FSTL5: variants seen among roughly 807,000 people sequenced by gnomAD.
FSTL5 encodes follistatin like 5.
In FSTL5, 62 loss-of-function variants were observed where a neutral mutation model predicts 89.1. The observed-to-expected ratio is 0.70, with a 90% CI of 0.57 to 0.86. The LOEUF is 0.86. Ranked by LOEUF, FSTL5 falls within the 40% of genes least tolerant of loss-of-function variation. The pLI is 0.00. For missense variants in FSTL5, 1,057 were observed against 1,001.6 expected, an observed-to-expected ratio of 1.06 and a Z score of -0.75; for synonymous variants, 383 against 346.2, an observed-to-expected ratio of 1.11 and a Z score of -1.18.
intron 4 of FSTL5, among the ~76,000 whole-genome samples, chr4:161,866,014 T>G (rs905102287): frequency 6.6e-6 from 1 of 152,202 alleles, no homozygotes; most frequent in African/African-American, 2.4e-5. Context: ...TGAATACTTT[T>G]AAGTATTCTA....
At chr4:161,866,956 A>G (rs1293060838) in intron 4 of FSTL5, among the ~76,000 whole-genome samples, 2 of 152,030 alleles carry the variant, frequency 1.3e-5, no homozygotes, top group Admixed American at 1.3e-4. Flanking sequence ...ACAAGAGAAA[A>G]GCAGGAAAGA....
At chr4:161,450,516 A>C (rs1203205143) in intron 15 of FSTL5, among the ~76,000 whole-genome samples, 1 of 152,208 alleles carries the variant, frequency 6.6e-6, no homozygotes, top group African/African-American at 2.4e-5. Flanking sequence ...GTAGAATTAC[A>C]ATATTATTCA....
intron 3 of FSTL5, among the ~76,000 whole-genome samples, chr4:161,963,437 C>A (rs1735236804): frequency 6.6e-6 from 1 of 151,878 alleles, no homozygotes; most frequent in Non-Finnish European, 1.5e-5. Flanking sequence ...ATGGTTGCTG[C>A]AACTGAAATA....
intron 3 of FSTL5, among the ~76,000 whole-genome samples, chr4:161,938,751 G>T (rs893170651): frequency 6.6e-6 from 1 of 151,906 alleles, no homozygotes; most frequent in Admixed American, 6.6e-5. Context: ...CTTTGTCAGA[G>T]CACTTGGTTA....
At chr4:161,711,735 TACAA>T (rs1226479211) in intron 6 of FSTL5, among the ~76,000 whole-genome samples, 3 of 152,076 alleles carry the variant, frequency 2.0e-5, no homozygotes, top group Admixed American at 6.5e-5. Flanking sequence ...CTCAACAAAA[TACAA>T]ACAAACAAAT....
intron 1 of FSTL5, among the ~76,000 whole-genome samples, chr4:162,129,577 C>A (rs896431915): frequency 2.6e-5 from 4 of 152,138 alleles, no homozygotes; most frequent in African/African-American, 9.7e-5. Context: ...GGGACTTAAG[C>A]CTTGCTGTGT....
chr4:161,748,026 T>A (rs1053656494), intron 6 of FSTL5, among the ~76,000 whole-genome samples: 8 of 152,096 alleles, frequency 5.3e-5, no homozygotes, highest in African/African-American at 1.9e-4. Context: ...GAATGTATAA[T>A]ATAATATCCT....
chr4:161,839,204 A>T (rs960892754), intron 4 of FSTL5, among the ~76,000 whole-genome samples: 1 of 152,118 alleles, frequency 6.6e-6, no homozygotes, highest in East Asian at 1.9e-4. Context: ...CATCAAAAAA[A>T]TAGACAAAAT....
chr4:161,946,789 CAGTT>C (rs1560930446), intron 3 of FSTL5, among the ~76,000 whole-genome samples: 1 of 152,098 alleles, frequency 6.6e-6, no homozygotes, highest in Non-Finnish European at 1.5e-5. Flanking sequence ...GGTCATAAGA[CAGTT>C]AATTTTATAA....
At chr4:161,483,570 T>G (rs1729588705) in intron 12 of FSTL5, among the ~76,000 whole-genome samples, 1 of 152,240 alleles carries the variant, frequency 6.6e-6, no homozygotes, top group Non-Finnish European at 1.5e-5. Context: ...ATTAAAAGTT[T>G]CCTGACAGTC....
intron 4 of FSTL5, among the ~76,000 whole-genome samples, chr4:161,822,906 A>G (rs894455356): frequency 6.6e-6 from 1 of 152,108 alleles, no homozygotes; most frequent in African/African-American, 2.4e-5. Context: ...GGTTGTCCTA[A>G]TGAGTGTCCA....
intron 3 of FSTL5, among the ~76,000 whole-genome samples, chr4:162,000,730 G>A (rs1336709898): frequency 6.6e-6 from 1 of 152,134 alleles, no homozygotes; most frequent in African/African-American, 2.4e-5. Flanking sequence ...CTAATGGGAG[G>A]ATTGAGAAGT....
At chr4:161,846,960 C>T (rs1731387525) in intron 4 of FSTL5, among the ~76,000 whole-genome samples, 1 of 152,088 alleles carries the variant, frequency 6.6e-6, no homozygotes, top group African/African-American at 2.4e-5. Context: ...ACCCTTAAGT[C>T]TAGACCACAT....
chr4:162,004,437 C>T (rs969862762), intron 3 of FSTL5, among the ~76,000 whole-genome samples: 1 of 152,178 alleles, frequency 6.6e-6, no homozygotes, highest in Admixed American at 6.5e-5. Flanking sequence ...TCTTGGACCT[C>T]ATACCAACCT....
chr4:161,946,021 C>T (rs2110937517), intron 3 of FSTL5, among the ~76,000 whole-genome samples: 1 of 152,122 alleles, frequency 6.6e-6, no homozygotes, highest in African/African-American at 2.4e-5. Context: ...TTTTCATTTG[C>T]ATAAAATAAC....
At chr4:161,632,045 A>C (rs1330354911) in intron 7 of FSTL5, among the ~76,000 whole-genome samples, 2 of 152,286 alleles carry the variant, frequency 1.3e-5, no homozygotes, top group East Asian at 1.9e-4. Context: ...ATTATTTTCA[A>C]TTGAGTGACT....
At chr4:161,521,865 G>GAA (rs751284853) in intron 10 of FSTL5, among the ~76,000 whole-genome samples, 2 of 120,498 alleles carry the variant, frequency 1.7e-5, no homozygotes, top group Non-Finnish European at 3.2e-5. Context: ...AAAAAAAAAA[G>GAA]AAAAAAAAAG....
intron 3 of FSTL5, among the ~76,000 whole-genome samples, chr4:162,002,133 TGAAA>T (rs1367507191): frequency 6.6e-6 from 1 of 152,208 alleles, no homozygotes; most frequent in Non-Finnish European, 1.5e-5. Context: ...TACTATAAAC[TGAAA>T]GAGATTTGTA....
chr4:161,782,418 T>C (rs907044507), intron 4 of FSTL5, among the ~76,000 whole-genome samples: 1 of 152,164 alleles, frequency 6.6e-6, no homozygotes. Flanking sequence ...TTGTCAGTGT[T>C]TTGAGTTTTC....
Sources: allele counts gnomAD v4.1 joint callset (sites outside exome capture counted in the v4.1 genomes callset), GRCh38; gene constraint gnomAD v4.1.1; transcripts MANE v1.5; gene names NCBI Gene and HGNC (gene_info 2026-07-23, HGNC 2026-07-21).